The following FAT1 variants were observed in gnomAD, a reference collection of about 807,000 sequenced individuals.
The protein encoded by FAT1 is protocadherin Fat 1.
In FAT1, 171 loss-of-function variants were observed where a neutral mutation model predicts 329.8. The ratio of observed to expected loss-of-function variants is 0.52; its 90% CI spans 0.46 to 0.59. FAT1 has a LOEUF of 0.59. Ranked by LOEUF, FAT1 falls within the 20% of genes least tolerant of loss-of-function variation. The pLI, the probability that FAT1 is intolerant of heterozygous loss-of-function variation, is 0.00. For synonymous variants in FAT1, 2,233 were observed against 2,228.6 expected, an observed-to-expected ratio of 1.00 and a Z score of -0.06; for missense variants, 5,672 against 5,774.4, an observed-to-expected ratio of 0.98 and a Z score of 0.57.
intron 2 of FAT1, among the ~76,000 whole-genome samples, chr4:186,688,972 A>G (rs1435496462): frequency 6.6e-6 from 1 of 152,212 alleles, no homozygotes; most frequent in Non-Finnish European, 1.5e-5. Flanking sequence ...GACCTTTTTA[A>G]CTCTGAAAAG....
intron 3 of FAT1, among the ~76,000 whole-genome samples, chr4:186,645,945 C>CAAA (rs773581100): frequency 0.017 from 976 of 58,154 alleles, 53 homozygotes; most frequent in African/African-American, 0.059. Flanking sequence ...GACTGTCTCA[C>CAAA]AAAAAAAAAA....
At chr4:186,672,935 G>A (rs1159354635) in intron 2 of FAT1, among the ~76,000 whole-genome samples, 2 of 152,146 alleles carry the variant, frequency 1.3e-5, no homozygotes, top group Non-Finnish European at 2.9e-5. Flanking sequence ...GAAAATCTGG[G>A]CTAAAGCGAA....
chr4:186,701,563 T>C (rs937945550), intron 2 of FAT1, among the ~76,000 whole-genome samples: 19 of 152,270 alleles, frequency 1.2e-4, no homozygotes, highest in African/African-American at 3.8e-4. Context: ...CCAGGAATTC[T>C]AGCCCCAGCT....
chr4:186,614,889 C>A (rs1383955698), intron 11 of FAT1, among the ~76,000 whole-genome samples: 1 of 152,134 alleles, frequency 6.6e-6, no homozygotes, highest in Admixed American at 6.5e-5. Flanking sequence ...TACTGCCCTG[C>A]GTGATCCTGG....
At chr4:186,595,038 T>C (rs1738434072) in intron 26 of FAT1, among the ~76,000 whole-genome samples, 2 of 152,156 alleles carry the variant, frequency 1.3e-5, no homozygotes, top group Non-Finnish European at 2.9e-5. Context: ...ATGGCAAAGC[T>C]AGTTATCAAT....
At chr4:186,705,458 T>C (rs1744535770) in intron 2 of FAT1, among the ~76,000 whole-genome samples, 1 of 152,280 alleles carries the variant, frequency 6.6e-6, no homozygotes, top group East Asian at 1.9e-4. Flanking sequence ...AGTAAACAAA[T>C]TGAGCCCCAC....
intron 2 of FAT1, among the ~76,000 whole-genome samples, chr4:186,704,662 T>C (rs1406254724): frequency 1.3e-5 from 2 of 152,222 alleles, no homozygotes; most frequent in African/African-American, 4.8e-5. Context: ...CTTCAGTTGT[T>C]AAATTTGGGG....
At chr4:186,716,042 A>G (rs1745189859) in intron 1 of FAT1, among the ~76,000 whole-genome samples, 1 of 152,180 alleles carries the variant, frequency 6.6e-6, no homozygotes, top group African/African-American at 2.4e-5. Flanking sequence ...TCAAGTGTTT[A>G]GATGACCTCA....
In FAT1 at chr4:186,618,409, C is replaced by A. The variant is rs748950954; in HGVS notation, c.8177G>T (p.Arg2726Leu). ...VPIGTEIDLI[R>L]AEHSGTVLYS... The stretch of plus-strand genomic sequence containing the variant: ...AAGAACAGTCCCACTATGTTCTGCT[C>A]GGATGAGATCTATCTCTGTTCCAAT... Residue 2726 changes from arginine (R) to leucine (L), a missense_variant, in exon 10 of 27, where the codon CGA becomes CTA. Arg to Leu is a moderately radical substitution (Grantham distance 102). Transcript: ENST00000441802. The A allele has an allele frequency of 1.2e-5, 20 of 1,613,870 alleles. No individual in the cohort carries two copies. In the Admixed American group the frequency reaches 3.3e-4, roughly 27 times the overall value.
chr4:186,707,651 A>C lies in FAT1; in HGVS notation c.2177T>G (p.Val726Gly). 6.2e-7 allele frequency: 1 copy of C among 1,613,940 alleles called. No individual in the cohort carries two copies. The highest frequency in any genetic ancestry group is 8.5e-7 in the Non-Finnish European group (1 of 1,179,890). Reference sequence around the variant, plus strand: ...GGAACCCACAGGCTGGTTTTCCTTTACCTGAATACCAGTCGGAAGAGTGCT... The same window carrying C: ...GGAACCCACAGGCTGGTTTTCCTTTCCCTGAATACCAGTCGGAAGAGTGCT... ...FRSTLPTGIQ[V>G]KENQPVGSSV... Residue 726 changes from valine to glycine, a missense_variant, in exon 2 of 27, where the codon GTA (valine) becomes GGA (glycine). Physicochemically the swap from Val to Gly is moderately radical, Grantham distance 109. Coordinates refer to ENST00000441802, the MANE Select transcript of FAT1 (RefSeq NM_005245.4).
In FAT1 at chr4:186,614,316, T is replaced by G. The variant is rs767067816; in HGVS notation, c.9104A>C (p.Asp3035Ala). The G allele has an allele frequency of 1.9e-6, 3 of 1,577,822 alleles. No individual in the cohort carries two copies. The Admixed American group carries it at 5.9e-5, about 31-fold the overall frequency. Reference sequence around the variant, plus strand: ...CATGATCAATTTTCCAGGAAGGACGTCTTCAGGAATAGTGTCTGAATATAA... The same window carrying G: ...CATGATCAATTTTCCAGGAAGGACGGCTTCAGGAATAGTGTCTGAATATAA... ...KTLYSDTIPE[D>A]VLPGKLIMQI... The change falls in exon 12 of 27, where the codon GAC (aspartate) becomes GCC (alanine). Residue 3035 changes from aspartate (D) to alanine (A), a missense_variant. This residue lies in a region of FAT1 where 3,966 missense variants were observed against 3,915.2 expected (regional missense o/e 1.01). Coordinates refer to ENST00000441802, the MANE Select transcript of FAT1 (RefSeq NM_005245.4).
intron 2 of FAT1, among the ~76,000 whole-genome samples, chr4:186,673,006 C>G (rs327079): frequency 2.0e-5 from 3 of 152,192 alleles, no homozygotes; most frequent in African/African-American, 7.2e-5. Context: ...TACACAGCTT[C>G]AAAAAAGAAG....
chr4:186,717,548 C>T (rs577411447), intron 1 of FAT1, among the ~76,000 whole-genome samples: 1 of 152,286 alleles, frequency 6.6e-6, no homozygotes, highest in Admixed American at 6.5e-5. Context: ...TACAATCTGG[C>T]TTTTTCAGAA....
rs1738099044 is a variant in FAT1 at position 186,588,958 on chromosome 4, G to A, written c.13401C>T (p.Asp4467=). 3.7e-6 allele frequency: 6 copies of A among 1,614,018 alleles called. No homozygotes were observed. Among genetic ancestry groups the A allele is most frequent in the Non-Finnish European group, 5.1e-6 (6 of 1,179,886 alleles). The change falls in exon 27 of 27, where the codon GAC becomes GAT. Residue 4467 remains aspartate (D), a synonymous_variant. Transcript: ENST00000441802. ...NQFESIHPPR[D]MPAAGSLGSS... The stretch of plus-strand genomic sequence containing the variant: ...AACCCAAGCTACCCGCGGCAGGCAT[G>A]TCTCTAGGAGGGTGGATGGATTCAA...
chr4:186,592,735 TTACGGTCAC>T (rs1161009046), intron 26 of FAT1: 1 of 456,666 alleles, frequency 2.2e-6, no homozygotes, highest in Non-Finnish European at 4.4e-6. Flanking sequence ...ACAAGGTGCA[TTACGGTCAC>T]TATGGAAGCT....
rs773668336 is a variant in FAT1 at position 186,706,552 on chromosome 4, A to T, written c.3265+11T>A. 6.4e-7 allele frequency: 1 copy of T among 1,570,726 alleles called. No individual in the cohort carries two copies. Among genetic ancestry groups the T allele is most frequent in the Non-Finnish European group, 8.6e-7 (1 of 1,159,286 alleles). Reference sequence around the variant, plus strand: ...AAGGGCATCAAATGAGAGCAATAAAAACATATTTACCTGTCTCTTCACCTA... The same window carrying T: ...AAGGGCATCAAATGAGAGCAATAAATACATATTTACCTGTCTCTTCACCTA... On this transcript the variant is annotated intron_variant, in intron 2 of 26. Transcript: ENST00000441802.
rs1174525479 is a variant in FAT1 at position 186,707,624 on chromosome 4, C to T, written c.2204G>A (p.Ser735Asn). 1.2e-6 allele frequency: 2 copies of T among 1,614,034 alleles called. No homozygotes were observed. The highest frequency in any genetic ancestry group is 1.7e-5 in the Admixed American group (1 of 60,034). The change falls in exon 2 of 27, where the codon AGT (serine) becomes AAT (asparagine). Residue 735 changes from serine to asparagine, a missense_variant. Physicochemically the swap from Ser to Asn is conservative, Grantham distance 46 (BLOSUM62 1). Transcript: ENST00000441802. The stretch of plus-strand genomic sequence containing the variant: ...GTCAGTGGAGTTCATGAAAATTACA[C>T]TGGAACCCACAGGCTGGTTTTCCTT... ...QVKENQPVGS[S>N]VIFMNSTDLD...
chr4:186,632,719 C>T (rs1740651556), intron 7 of FAT1, among the ~76,000 whole-genome samples: 1 of 152,138 alleles, frequency 6.6e-6, no homozygotes, highest in African/African-American at 2.4e-5. Context: ...AAAGACATCA[C>T]CGACTATAAT....
Position 186,596,593 on chromosome 4 carries a change from G to T in FAT1, c.12947C>A (p.Ser4316Tyr), listed in dbSNP as rs753154188. ...CTGGATGGAGTCGCTGTCAGAAGGG[G>T]AGTTTGAAGGGGGTGGGGGAGGCAG... The part of the protein sequence containing the change: ...PNLPPPPPSN[S>Y]PSDSDSIQKP... Residue 4316 changes from serine to tyrosine, a missense_variant, in exon 25 of 27, where the codon TCC becomes TAC. This residue lies in a region of FAT1 where 1,706 missense variants were observed against 1,859.1 expected (regional missense o/e 0.92). Transcript: ENST00000441802. This position sits in a 1 kb window ranked among gnomAD's most constrained non-coding sequence, Gnocchi z 4.7. The T allele has an allele frequency of 2.5e-6, 4 of 1,613,106 alleles. No individual in the cohort carries two copies. Among genetic ancestry groups the T allele is most frequent in the Non-Finnish European group, 3.4e-6 (4 of 1,179,596 alleles).
Sources: allele counts gnomAD v4.1 joint callset (sites outside exome capture counted in the v4.1 genomes callset), GRCh38; gene constraint gnomAD v4.1.1; regional missense constraint gnomAD v4.1.1; non-coding constraint Gnocchi (gnomAD v3.1); transcripts MANE v1.5; gene names NCBI Gene and HGNC (gene_info 2026-07-23, HGNC 2026-07-21).